ARHGEF26: variants seen among roughly 807,000 people sequenced by gnomAD.
The protein encoded by ARHGEF26 is Rho guanine nucleotide exchange factor 26.
Under a neutral mutation model 89.4 loss-of-function variants are expected in ARHGEF26, and 59 were observed. The observed-to-expected ratio is 0.66, with a 90% confidence interval of 0.54 to 0.82. The LOEUF (loss-of-function observed/expected upper bound fraction) is 0.82. Among genes scored for constraint, ARHGEF26 ranks in the 40% least tolerant of loss-of-function variants. ARHGEF26 has a pLI of 0.00. For synonymous variants in ARHGEF26, 500 were observed against 428.4 expected (o/e 1.17, Z -2.06); for missense variants, 1,234 against 1,085.6 (o/e 1.14, Z -1.92).
chr3:154,183,525 C>T lies in ARHGEF26; in HGVS notation c.1488-4160C>T, dbSNP rs1713310873. Among the ~76,000 whole-genome samples the T allele has an allele frequency of 4.6e-5, 7 of 152,294 alleles. 1 individual carries two copies. In the South Asian group the frequency reaches 1.5e-3, roughly 32 times the overall value. On this transcript the variant is annotated intron_variant, in intron 6 of 14. Transcript: ENST00000465093. ...CTTTTGCTTCAGATTTGATTTGATT[C>T]ACCGGCATTCTTGGTTCCCGAAATC...
At chr3:154,189,017 T>C (rs774376980) in intron 7 of ARHGEF26, among the ~76,000 whole-genome samples, 2 of 152,092 alleles carry the variant, frequency 1.3e-5, no homozygotes, top group Non-Finnish European at 2.9e-5. Context: ...TCCCCAGACA[T>C]TGCAGAAGGT....
Position 154,191,291 on chromosome 3 carries a change from CTA to C in ARHGEF26, c.1644_1645del (p.Thr549GlnfsTer5). On this transcript the variant is annotated frameshift_variant, in exon 8 of 15. Coordinates refer to ENST00000465093, the MANE Select transcript of ARHGEF26 (RefSeq NM_015595.4). LOFTEE classifies it high-confidence loss of function. ...CTCTTTTCTTTGTTTTCCCTCAGAGCTACCAATCCATCCTTTAAGGAAGTATT... is the reference window on the plus strand; with the variant it reads ...CTCTTTTCTTTGTTTTCCCTCAGAGCCCAATCCATCCTTTAAGGAAGTATT... 6.2e-7 allele frequency: 1 copy of C among 1,609,078 alleles called. No individual in the cohort carries two copies. The highest frequency in any genetic ancestry group is 8.5e-7 in the Non-Finnish European group (1 of 1,177,750).
At chr3:154,208,297 C>G (rs751879760) in intron 9 of ARHGEF26, among the ~76,000 whole-genome samples, 15 of 152,162 alleles carry the variant, frequency 9.9e-5, no homozygotes, top group Non-Finnish European at 1.8e-4. Context: ...TGATCCCTTG[C>G]CTTGGTCCCT....
At chr3:154,201,750 G>A (rs1410134249) in intron 9 of ARHGEF26, among the ~76,000 whole-genome samples, 1 of 152,150 alleles carries the variant, frequency 6.6e-6, no homozygotes, top group African/African-American at 2.4e-5. Flanking sequence ...TTCTCTGATA[G>A]CCAGTGATGA....
chr3:154,149,308 TAG>T, intron 4 of ARHGEF26, 79 bp from the exon 5 acceptor site: 1 of 1,080,598 alleles, frequency 9.3e-7, no homozygotes, highest in Non-Finnish European at 1.3e-6. Flanking sequence ...TTGAAGGGCA[TAG>T]AGTTATGCCT....
chr3:154,209,350 G>C (rs1019969759), intron 9 of ARHGEF26, among the ~76,000 whole-genome samples: 1 of 152,100 alleles, frequency 6.6e-6, no homozygotes. Context: ...GCATGGAAGA[G>C]TTAGATATTT....
At chr3:154,170,581 G>A (rs1395421504) in intron 6 of ARHGEF26, among the ~76,000 whole-genome samples, 1 of 152,154 alleles carries the variant, frequency 6.6e-6, no homozygotes. Context: ...CATTTGTCCT[G>A]TGTGACCTTG....
At chr3:154,168,187 A>AATTAGAGCTAAGGCTAGAACTC (rs1712173718) in intron 6 of ARHGEF26, among the ~76,000 whole-genome samples, 1 of 152,174 alleles carries the variant, frequency 6.6e-6, no homozygotes, top group South Asian at 2.1e-4. Flanking sequence ...AGCTAATTAG[A>AATTAGAGCTAAGGCTAGAACTC]ATTAGAGCTA....
intron 6 of ARHGEF26, among the ~76,000 whole-genome samples, chr3:154,181,631 G>C (rs1361289744): frequency 6.6e-6 from 1 of 152,094 alleles, no homozygotes; most frequent in Non-Finnish European, 1.5e-5. Context: ...GGGAGGGGCT[G>C]GTCTGGCAGG....
chr3:154,254,166 C>T (rs940206291), intron 13 of ARHGEF26, among the ~76,000 whole-genome samples: 3 of 152,188 alleles, frequency 2.0e-5, no homozygotes, highest in Non-Finnish European at 2.9e-5. Context: ...CCGCCTGCCT[C>T]GGCCTCCCAA....
chr3:154,221,770 A>G (rs1169918886), intron 10 of ARHGEF26, among the ~76,000 whole-genome samples: 1 of 152,194 alleles, frequency 6.6e-6, no homozygotes, highest in Non-Finnish European at 1.5e-5. Context: ...GATGCAGATG[A>G]AACTAGTTAT....
At position 154,185,949 on chromosome 3, in the gene ARHGEF26, C is replaced by T. The variant is rs190501617; in HGVS notation, c.1488-1736C>T. 5.9e-4 allele frequency among the ~76,000 whole-genome samples: 90 copies of T among 152,314 alleles called. 2 individuals carry two copies. The highest frequency in any genetic ancestry group is 5.9e-3 in the Admixed American group (90 of 15,296). On this transcript the variant is annotated intron_variant, in intron 6 of 14. Coordinates refer to ENST00000465093, the MANE Select transcript of ARHGEF26 (RefSeq NM_015595.4). ...GACCAAATACTTATTATTACCACACCTGTGTTATAGATCCTGTATTGTAAT... is the reference window on the plus strand; with the variant it reads ...GACCAAATACTTATTATTACCACACTTGTGTTATAGATCCTGTATTGTAAT...
intron 5 of ARHGEF26, among the ~76,000 whole-genome samples, chr3:154,152,428 G>A (rs1162094089): frequency 6.6e-6 from 1 of 152,104 alleles, no homozygotes; most frequent in Non-Finnish European, 1.5e-5. Flanking sequence ...GACCCCAAAG[G>A]TTAATTAATG....
chr3:154,187,800 A>G lies in ARHGEF26; in HGVS notation c.1603A>G (p.Asn535Asp). ...TFDPYVKYCT[N>D]EVYQQRTLQK... ...TGACCCATATGTGAAATACTGCACA[A>G]ATGAAGTCTACCAACAACGAACACT... The change falls in exon 7 of 15, where the codon AAT (asparagine) becomes GAT (aspartate). Residue 535 changes from asparagine to aspartate, a missense_variant. Physicochemically the swap from Asn to Asp is conservative, Grantham distance 23 (BLOSUM62 1). Coordinates refer to ENST00000465093, the MANE Select transcript of ARHGEF26 (RefSeq NM_015595.4). 1 of 1,610,488 alleles carries G rather than the reference A, an allele frequency of 6.2e-7. No individual in the cohort carries two copies. The highest frequency in any genetic ancestry group is 1.1e-5 in the South Asian group (1 of 90,248).
chr3:154,157,521 A>T (rs755855050), intron 6 of ARHGEF26, among the ~76,000 whole-genome samples: 1 of 152,154 alleles, frequency 6.6e-6, no homozygotes, highest in African/African-American at 2.4e-5. Context: ...ATTTTGTGGC[A>T]TTGTAGAGAA....
intron 6 of ARHGEF26, among the ~76,000 whole-genome samples, chr3:154,175,110 G>A (rs947096005): frequency 5.5e-4 from 84 of 152,126 alleles, no homozygotes; most frequent in Non-Finnish European, 1.1e-3. Context: ...TAAGACTAGA[G>A]GGTAAAGTTC....
Position 154,253,184 on chromosome 3 carries a change from G to GT in ARHGEF26, c.2368+2dup, listed in dbSNP as rs1718268809. The GT allele has an allele frequency of 6.2e-7, 1 of 1,613,904 alleles. No individual in the cohort carries two copies. Among genetic ancestry groups the GT allele is most frequent in the South Asian group, 1.1e-5 (1 of 91,092 alleles). ...GGGAAGCCGCCTGCAGACCGAACCT[G>GT]TAAGTTCTCTCAAGGGGAAGCCCAC... On this transcript the variant is annotated splice_donor_variant, in intron 13 of 14. Coordinates refer to ENST00000465093, the MANE Select transcript of ARHGEF26 (RefSeq NM_015595.4). LOFTEE classifies it high-confidence loss of function.
intron 9 of ARHGEF26, among the ~76,000 whole-genome samples, chr3:154,195,024 A>G (rs1005277316): frequency 6.6e-6 from 1 of 152,218 alleles, no homozygotes; most frequent in Admixed American, 6.5e-5. Flanking sequence ...GCCAAGAATG[A>G]TGCCAGTTCT....
chr3:154,238,601 T>C (rs1381629499), intron 11 of ARHGEF26, among the ~76,000 whole-genome samples: 1 of 152,232 alleles, frequency 6.6e-6, no homozygotes, highest in Non-Finnish European at 1.5e-5. Context: ...CAAGGAGTTT[T>C]CTTTTCTCTA....
Sources: gnomAD v4.1 joint callset for allele counts (sites outside exome capture counted in the v4.1 genomes callset) on GRCh38, gnomAD v4.1.1 for gene constraint, MANE v1.5 for transcripts, NCBI Gene and HGNC (gene_info 2026-07-23, HGNC 2026-07-21) for gene names.